Variants in XIST observed in about 807,000 individuals in gnomAD.
XIST encodes the protein X inactive specific transcript.
chrX:73,836,712 T>C (rs1177089470), intron 2 of XIST, among the ~76,000 whole-genome samples: 1 of 111,585 alleles, frequency 9.0e-6, no homozygotes, highest in East Asian at 2.8e-4. Context: ...TGATTTCTAA[T>C]ATTACTCTCC....
exon 6 of XIST, chrX:73,822,440 T>C (rs1603359945): frequency 7.8e-6 from 4 of 512,885 alleles, no homozygotes; most frequent in Middle Eastern, 3.1e-4. Flanking sequence ...TGCATTTTTT[T>C]CCCATGTCTC....
chrX:73,845,025 T>A (rs780447892), exon 1 of XIST: 8 of 552,801 alleles, frequency 1.4e-5, no homozygotes, highest in Admixed American at 6.8e-5. Flanking sequence ...AGAGGGGCCT[T>A]GGTTATCAGC....
At chrX:73,826,370 A>C (rs759394938) in exon 6 of XIST, 4 of 557,419 alleles carry the variant, frequency 7.2e-6, no homozygotes, top group Non-Finnish European at 1.3e-5. Context: ...AACAAAAGCC[A>C]GATTAGATAC....
chrX:73,849,431 C>G (rs1922856961), exon 1 of XIST: 1 of 556,882 alleles, frequency 1.8e-6, no homozygotes, highest in Non-Finnish European at 3.2e-6. Flanking sequence ...TTTTAGGTGG[C>G]CAACACAGTA....
chrX:73,838,356 ACC>A lies in XIST; in HGVS notation n.11343-855_11343-854del, dbSNP rs773345621. On this transcript the variant is annotated intron_variant and non_coding_transcript_variant, in intron 1 of 5. Coordinates refer to ENST00000429829, the Ensembl canonical transcript of XIST. ...GGGTATTGCTTGGGTCTACTGCATA[ACC>A]TCTCATGTTTCCGGGAACACTAGAA... 1.9e-4 allele frequency among the ~76,000 whole-genome samples: 21 copies of A among 110,893 alleles called. No homozygotes were observed. The East Asian group carries it at 4.8e-3, about 25-fold the overall frequency.
chrX:73,847,594 G>A, exon 1 of XIST: 1 of 514,715 alleles, frequency 1.9e-6, no homozygotes, highest in Non-Finnish European at 3.5e-6. Flanking sequence ...ATGCTGAGAA[G>A]TCAAGATATT....
At chrX:73,850,662 T>A in exon 1 of XIST, 1 of 460,781 alleles carries the variant, frequency 2.2e-6, no homozygotes. Context: ...ATGGCAACAG[T>A]GCAGTGCAGG....
chrX:73,827,402 G>C, exon 6 of XIST: 1 of 556,107 alleles, frequency 1.8e-6, no homozygotes, highest in Non-Finnish European at 3.2e-6. Flanking sequence ...TCAAAGGTGA[G>C]TAGAAAGGGA....
exon 3 of XIST, chrX:73,833,347 T>C (rs1206596781): frequency 7.2e-6 from 4 of 554,759 alleles, no homozygotes; most frequent in Non-Finnish European, 1.3e-5. Context: ...CTGTTTGCAG[T>C]CCTCAGGTCT....
At chrX:73,844,672 T>A (rs755836351) in exon 1 of XIST, 4 of 557,787 alleles carry the variant, frequency 7.2e-6, no homozygotes, top group South Asian at 6.7e-5. Flanking sequence ...GGCTTCCTTG[T>A]CTAGTACACA....
At position 73,823,948 on chromosome X, in the gene XIST, T is replaced by C. The variant is rs1482701210; in HGVS notation, n.15953A>G. The C allele has an allele frequency of 8.1e-5, 45 of 552,921 alleles. 1 individual carries two copies. In the Admixed American group the frequency reaches 9.9e-4, roughly 12 times the overall value. 45.6% of individuals were successfully genotyped at this position (552,921 alleles called of 1,213,427 possible). Reference sequence around the variant, plus strand: ...AAGTAATCACCATTCAGTAAGCCAATAGTTCATTCCTATCTGTATAGAACT... The same window carrying C: ...AAGTAATCACCATTCAGTAAGCCAACAGTTCATTCCTATCTGTATAGAACT... On this transcript the variant is annotated non_coding_transcript_exon_variant, in exon 6 of 6. Coordinates refer to ENST00000429829, the Ensembl canonical transcript of XIST.
chrX:73,824,688 T>C (rs1309908241), exon 6 of XIST: 2 of 557,032 alleles, frequency 3.6e-6, no homozygotes, highest in African/African-American at 4.5e-5. Context: ...TGCTTTATAA[T>C]TTAGAAAGCA....
exon 1 of XIST, chrX:73,845,394 T>C (rs1460565715): frequency 3.6e-6 from 2 of 555,970 alleles, no homozygotes; most frequent in Admixed American, 4.5e-5. Flanking sequence ...CATGTGCAGT[T>C]ATGCACATTC....
Position 73,833,815 on chromosome X carries a change from T to A in XIST, n.11407-441A>T, listed in dbSNP as rs138380248. On this transcript the variant is annotated intron_variant and non_coding_transcript_variant, in intron 2 of 5. Coordinates refer to ENST00000429829, the Ensembl canonical transcript of XIST. ...AAGGGGATCTAAGCCAAATTTGCAG[T>A]CTTGAAAGCACTTTGCATGGTACTG... 2.5e-3 allele frequency: 295 copies of A among 115,748 alleles called. 1 individual carries two copies. Among genetic ancestry groups the A allele is most frequent in the African/African-American group, 8.9e-3 (274 of 30,761 alleles). The allele number at this position is 115,748 out of a possible 1,213,427, so 9.5% of individuals were successfully genotyped here.
At chrX:73,836,641 C>T (rs1240665209) in intron 2 of XIST, among the ~76,000 whole-genome samples, 1 of 111,710 alleles carries the variant, frequency 9.0e-6, no homozygotes, top group Non-Finnish European at 1.9e-5. Context: ...CTCTTGTCAA[C>T]TGAAAAGGTC....
chrX:73,851,197 G>C, exon 1 of XIST: 1 of 559,421 alleles, frequency 1.8e-6, no homozygotes, highest in Non-Finnish European at 3.2e-6. Context: ...GGCACTAGGC[G>C]GCAAAACCCG....
chrX:73,847,354 G>A (rs1418966374), exon 1 of XIST: 2 of 517,234 alleles, frequency 3.9e-6, no homozygotes, highest in South Asian at 4.9e-5. Flanking sequence ...CACTCCTGCT[G>A]CTTTGCCAAG....
exon 1 of XIST, chrX:73,847,993 G>T: frequency 1.8e-6 from 1 of 559,239 alleles, no homozygotes. Context: ...CTAGTGCAAA[G>T]GTCTTGACTA....
chrX:73,824,289 CATT>C (rs1922199713), exon 6 of XIST: 1 of 513,851 alleles, frequency 1.9e-6, no homozygotes, highest in South Asian at 2.5e-5. Context: ...AAAAGATAAT[CATT>C]GTTATTCAAA....
Sources: allele counts gnomAD v4.1 joint callset (sites outside exome capture counted in the v4.1 genomes callset), GRCh38; gene constraint gnomAD v4.1.1; transcripts MANE v1.5; gene names NCBI Gene and HGNC (gene_info 2026-07-23, HGNC 2026-07-21).